Variants in PPP1R21 observed in about 807,000 individuals in gnomAD.
PPP1R21 encodes the protein protein phosphatase 1 regulatory subunit 21.
PPP1R21 carries 85 observed loss-of-function variants against 112.8 expected under a neutral mutation model. That is an observed-to-expected ratio of 0.75 (90% CI 0.63 to 0.90). The LOEUF (loss-of-function observed/expected upper bound fraction) is 0.90, where lower values mean the gene tolerates loss of function less well. Among genes scored for constraint, PPP1R21 ranks in the 40% least tolerant of loss-of-function variants. The pLI is 0.00. For missense variants in PPP1R21, 1,199 were observed against 901.5 expected (o/e 1.33, Z -4.23); for synonymous variants, 381 against 322.3 (o/e 1.18, Z -1.95).
At chr2:48,512,520 AAT>A (rs1670689292) in intron 21 of PPP1R21, among the ~76,000 whole-genome samples, 1 of 147,456 alleles carries the variant, frequency 6.8e-6, no homozygotes, top group Non-Finnish European at 1.5e-5. Context: ...ACTGGGGAGA[AAT>A]AGAGATGAAG....
intron 1 of PPP1R21, among the ~76,000 whole-genome samples, chr2:48,443,939 G>A (rs143885920): frequency 7.4e-4 from 112 of 152,260 alleles, no homozygotes; most frequent in African/African-American, 2.5e-3. Context: ...TGATCCCTAA[G>A]CCAAGGACAT....
At chr2:48,462,052 A>G (rs1041284042) in intron 7 of PPP1R21, among the ~76,000 whole-genome samples, 3 of 152,328 alleles carry the variant, frequency 2.0e-5, no homozygotes, top group South Asian at 4.1e-4. Context: ...ACATTAATGT[A>G]AATACTACTG....
At chr2:48,441,232 G>A (rs1046027235) in intron 1 of PPP1R21, 1 of 588,060 alleles carries the variant, frequency 1.7e-6, no homozygotes, top group South Asian at 2.1e-5. Flanking sequence ...GCAGGGAGAA[G>A]CTGGAGTTTG....
chr2:48,467,786 C>G (rs1668270125), intron 9 of PPP1R21, among the ~76,000 whole-genome samples: 1 of 152,134 alleles, frequency 6.6e-6, no homozygotes, highest in African/African-American at 2.4e-5. Context: ...GGGTAGTACA[C>G]AAAACCAAAA....
chr2:48,509,631 G>A (rs1209095508), intron 19 of PPP1R21, among the ~76,000 whole-genome samples: 1 of 152,054 alleles, frequency 6.6e-6, no homozygotes, highest in Admixed American at 6.6e-5. Flanking sequence ...CTTGAACCCG[G>A]GAGGTGGAGG....
chr2:48,507,349 G>C lies in PPP1R21; in HGVS notation c.2049G>C (p.Gln683His). ...TAGTGGAACTTACGTCTCAGTTGCA[G>C]CTGGCTGACAGTAAGTCAGTGCATT... ...ARIVELTSQL[Q>H]LADSKSVHFY... The change falls in exon 19 of 22, where the codon CAG (glutamine) becomes CAC (histidine). Residue 683 changes from glutamine (Q) to histidine (H), a missense_variant. By Grantham distance (24) the Gln-to-His change is conservative. Transcript: ENST00000294952. The C allele has an allele frequency of 6.3e-7, 1 of 1,596,390 alleles. No individual in the cohort carries two copies. The highest frequency in any genetic ancestry group is 8.5e-7 in the Non-Finnish European group (1 of 1,174,560).
At position 48,457,958 on chromosome 2, in the gene PPP1R21, G is replaced by T. The variant is rs952521952; in HGVS notation, c.274-168G>T. 6 of 589,658 alleles carry T rather than the reference G, an allele frequency of 1.0e-5. No homozygotes were observed. In the African/African-American group the frequency reaches 1.1e-4, roughly 11 times the overall value. The allele number at this position is 589,658 out of a possible 1,614,324, so 36.5% of individuals were successfully genotyped here. ...TACAATATTTGCAGTTTCAACTTGT[G>T]TCACATAGGAAAAGTTAAATGATGA... is the stretch of plus-strand genomic sequence containing the variant. On this transcript the variant is annotated intron_variant, in intron 3 of 21. Transcript: ENST00000294952.
chr2:48,471,200 C>T lies in PPP1R21; in HGVS notation c.999+12C>T, dbSNP rs371400185. 6.2e-7 allele frequency: 1 copy of T among 1,607,098 alleles called. No homozygotes were observed. Among genetic ancestry groups the T allele is most frequent in the African/African-American group, 1.3e-5 (1 of 74,810 alleles). ...CTGTGACTGTCTTGGTAATTTTCTT[C>T]CTTGTTTTACTTCTGGAAACTGGGA... On this transcript the variant is annotated intron_variant, in intron 10 of 21. Coordinates refer to ENST00000294952, the MANE Select transcript of PPP1R21 (RefSeq NM_001135629.3).
intron 16 of PPP1R21, among the ~76,000 whole-genome samples, chr2:48,496,578 C>T (rs1265202573): frequency 6.6e-6 from 1 of 151,738 alleles, no homozygotes; most frequent in Non-Finnish European, 1.5e-5. Context: ...AGCGATTGTC[C>T]TGCCTCAGCC....
At chr2:48,456,734 G>T (rs1027853299) in intron 3 of PPP1R21, among the ~76,000 whole-genome samples, 1 of 152,162 alleles carries the variant, frequency 6.6e-6, no homozygotes, top group East Asian at 1.9e-4. Context: ...TTATGTATTA[G>T]AATCACTTGG....
intron 1 of PPP1R21, among the ~76,000 whole-genome samples, chr2:48,443,749 C>G (rs1193059623): frequency 6.6e-6 from 1 of 152,212 alleles, no homozygotes; most frequent in Non-Finnish European, 1.5e-5. Context: ...TAGATAAGAT[C>G]TATGCTCTCT....
intron 17 of PPP1R21, among the ~76,000 whole-genome samples, chr2:48,500,972 A>G (rs1216284607): frequency 6.6e-6 from 1 of 152,156 alleles, no homozygotes; most frequent in Admixed American, 6.5e-5. Flanking sequence ...ATGAATGTTC[A>G]TGACCAATGG....
At chr2:48,499,998 G>C (rs969860833) in intron 17 of PPP1R21, among the ~76,000 whole-genome samples, 2 of 152,072 alleles carry the variant, frequency 1.3e-5, no homozygotes, top group African/African-American at 4.8e-5. Context: ...GCTTCTTGAA[G>C]ACCCTGTCCT....
At chr2:48,475,932 G>GT (rs989036724) in intron 12 of PPP1R21, among the ~76,000 whole-genome samples, 172 of 151,802 alleles carry the variant, frequency 1.1e-3, no homozygotes, top group African/African-American at 4.0e-3. Context: ...TGGTACTATG[G>GT]TTTTTTTTAA....
chr2:48,498,568 A>G lies in PPP1R21; in HGVS notation c.1768A>G (p.Lys590Glu), dbSNP rs1669955225. 6 of 1,614,234 alleles carry G rather than the reference A, an allele frequency of 3.7e-6. No homozygotes were observed. In the East Asian group the frequency reaches 1.3e-4, roughly 36 times the overall value. Residue 590 changes from lysine (K) to glutamate (E), a missense_variant, in exon 17 of 22, where the codon AAA becomes GAA. Coordinates refer to ENST00000294952, the MANE Select transcript of PPP1R21 (RefSeq NM_001135629.3). ...EHWMLEAQLA[K>E]IKLEKENQRI... ...TTGGATGTTGGAAGCACAATTAGCC[A>G]AAATCAAGCTAGAGAAAGAAAACCA...
chr2:48,490,910 C>G (rs1386967896), intron 14 of PPP1R21, 108 bp from the exon 15 acceptor site: 1 of 918,758 alleles, frequency 1.1e-6, no homozygotes, highest in Non-Finnish European at 1.7e-6. Flanking sequence ...AATTTCATTT[C>G]CATTTCCATT....
At chr2:48,500,750 A>G (rs1490967553) in intron 17 of PPP1R21, among the ~76,000 whole-genome samples, 1 of 152,112 alleles carries the variant, frequency 6.6e-6, no homozygotes, top group African/African-American at 2.4e-5. Flanking sequence ...CTACTAAAAT[A>G]CAGAAGAAAT....
In PPP1R21 at chr2:48,469,485, GAGCATATATATATATATAT is replaced by G. The variant is rs1558457485; in HGVS notation, c.898-1599_898-1581del. On this transcript the variant is annotated intron_variant, in intron 9 of 21. Transcript: ENST00000294952. ...TATATAGAGCATATATATATATATA[GAGCATATATATATATATAT>G]AGAGCATATATATATATATATATAT... Among the ~76,000 whole-genome samples, 8 of 34,540 alleles carry G rather than the reference GAGCATATATATATATATAT, an allele frequency of 2.3e-4. 1 individual carries two copies. Among genetic ancestry groups the G allele is most frequent in the African/African-American group, 7.2e-4 (6 of 8,276 alleles). The allele number at this position is 34,540 out of a possible 152,430, so 22.7% of individuals were successfully genotyped here.
At chr2:48,480,250 A>C (rs148386658) in intron 13 of PPP1R21, among the ~76,000 whole-genome samples, 9 of 152,330 alleles carry the variant, frequency 5.9e-5, no homozygotes, top group African/African-American at 1.9e-4. Context: ...TGTGTACAGT[A>C]CTTTAGCCAG....
Sources: allele counts gnomAD v4.1 joint callset (sites outside exome capture counted in the v4.1 genomes callset), GRCh38; gene constraint gnomAD v4.1.1; transcripts MANE v1.5; gene names NCBI Gene and HGNC (gene_info 2026-07-23, HGNC 2026-07-21).